The following RCOR3 variants were observed in gnomAD, a reference collection of about 807,000 sequenced individuals.
RCOR3 encodes REST corepressor 3.
In RCOR3, 13 loss-of-function variants were observed where a neutral mutation model predicts 64.1. The observed-to-expected ratio is 0.20, with a 90% CI of 0.13 to 0.32. RCOR3 has a LOEUF of 0.32. Among genes scored for constraint, RCOR3 ranks in the 10% least tolerant of loss-of-function variants. RCOR3 has a pLI of 1.00. For synonymous variants in RCOR3, 215 were observed against 239.0 expected, an observed-to-expected ratio of 0.90 and a Z score of 0.93; for missense variants, 489 against 701.2, an observed-to-expected ratio of 0.70 and a Z score of 3.42.
Position 211,259,496 on chromosome 1 carries a change from G to A in RCOR3, c.-65G>A. On this transcript the variant is annotated 5_prime_UTR_variant, in exon 1 of 12. Transcript: ENST00000419091. ...CCTTTCCCTCCCGCCCGCGCTCTAAGCCATCTCCGCCTTCACCCTGACGCC... is the reference window on the plus strand; with the variant it reads ...CCTTTCCCTCCCGCCCGCGCTCTAAACCATCTCCGCCTTCACCCTGACGCC... The A allele has an allele frequency of 1.3e-6, 2 of 1,494,246 alleles. No individual in the cohort carries two copies. The highest frequency in any genetic ancestry group is 2.5e-5 in the South Asian group (2 of 80,526). The allele number at this position is 1,494,246 out of a possible 1,614,324, so 92.6% of individuals were successfully genotyped here. A position where few individuals can be genotyped will look rare whatever the true frequency, so the allele number is the denominator to read the frequency against.
rs571728059 is a variant in RCOR3, at chr1:211,288,685, T to C, written c.721-493T>C. 2.4e-4 allele frequency among the ~76,000 whole-genome samples: 37 copies of C among 151,682 alleles called. 1 individual carries two copies. The highest frequency in any genetic ancestry group is 8.7e-4 in the African/African-American group (36 of 41,478). On this transcript the variant is annotated intron_variant, in intron 7 of 11. Transcript: ENST00000419091. ...GTGTCCCTTTTAACCTTTAGAGGCGTAGTTTTCTTTCAGCAACTGTAAAGT... is the reference window on the plus strand; with the variant it reads ...GTGTCCCTTTTAACCTTTAGAGGCGCAGTTTTCTTTCAGCAACTGTAAAGT...
At chr1:211,270,552 A>AG (rs1035090054) in intron 2 of RCOR3, among the ~76,000 whole-genome samples, 111 of 151,810 alleles carry the variant, frequency 7.3e-4, no homozygotes, top group African/African-American at 2.6e-3. Flanking sequence ...ATGGGGCAAA[A>AG]AAAAAAAATA....
At chr1:211,269,139 G>A (rs78871138) in intron 2 of RCOR3, among the ~76,000 whole-genome samples, 30,643 of 151,090 alleles carry the variant, frequency 0.2, 3,428 homozygotes, top group Non-Finnish European at 0.25. Context: ...TGGAATTCTG[G>A]CTATTAATGG....
intron 8 of RCOR3, chr1:211,291,557 C>G: frequency 2.2e-6 from 1 of 456,146 alleles, no homozygotes; most frequent in South Asian, 1.5e-5. Flanking sequence ...TGGACTGTAT[C>G]CCCTGCGGAT....
intron 9 of RCOR3, chr1:211,302,399 G>T (rs1700468119): frequency 6.6e-6 from 1 of 152,132 alleles, no homozygotes; most frequent in African/African-American, 2.4e-5. Context: ...TCACTCACAG[G>T]CAAGCACTTC....
chr1:211,301,254 C>T (rs1320214009), intron 9 of RCOR3, among the ~76,000 whole-genome samples: 1 of 152,080 alleles, frequency 6.6e-6, no homozygotes, highest in African/African-American at 2.4e-5. Flanking sequence ...ACCTGAATGT[C>T]GAATACCTCA....
chr1:211,267,835 C>T (rs901974751), intron 2 of RCOR3: 8 of 373,538 alleles, frequency 2.1e-5, no homozygotes, highest in African/African-American at 8.8e-5. Flanking sequence ...TCAAGCCATC[C>T]GCCCTCCTTG....
In RCOR3 at chr1:211,271,258, A is replaced by G; in HGVS notation, c.250A>G (p.Asn84Asp). 2 of 1,613,860 alleles carry G rather than the reference A, an allele frequency of 1.2e-6. No homozygotes were observed. Among genetic ancestry groups the G allele is most frequent in the Non-Finnish European group, 1.7e-6 (2 of 1,179,842 alleles). Residue 84 changes from asparagine to aspartate, a missense_variant, in exon 3 of 12, where the codon AAT (asparagine) becomes GAT (aspartate). This residue lies in a region of RCOR3 where 402 missense variants were observed against 617.0 expected (regional missense o/e 0.65). Coordinates refer to ENST00000419091, the MANE Select transcript of RCOR3 (RefSeq NM_001136223.3). ...TGCTACAAAGTACACAGATAAAGACAATGGAGGGATGCTTGTATGGTCTCC... is the reference window on the plus strand; with the variant it reads ...TGCTACAAAGTACACAGATAAAGACGATGGAGGGATGCTTGTATGGTCTCC... ...PGATKYTDKDNGGMLVWSPYH... is the reference protein window; with the variant it reads ...PGATKYTDKDDGGMLVWSPYH...
At chr1:211,288,693 T>C (rs1012829476) in intron 7 of RCOR3, among the ~76,000 whole-genome samples, 2 of 151,680 alleles carry the variant, frequency 1.3e-5, no homozygotes, top group African/African-American at 4.8e-5. Flanking sequence ...CGTAGTTTTC[T>C]TTCAGCAACT....
chr1:211,313,706 G>A lies in RCOR3; in HGVS notation c.1600G>A (p.Gly534Ser). ...LNPRPVLSTV[G>S]GQQPPSLIGI... is the part of the protein sequence containing the mutation. ...CCCAAGACCGGTGTTGTCCACGGTTGGTGGTCAACAGCCACCATCACTTAT... is the reference window on the plus strand; with the variant it reads ...CCCAAGACCGGTGTTGTCCACGGTTAGTGGTCAACAGCCACCATCACTTAT... Residue 534 changes from glycine to serine, a missense_variant, in exon 12 of 12, where the codon GGT (glycine) becomes AGT (serine). Around this residue, in one of 2 missense-constraint regions of RCOR3, gnomAD observed 402 missense variants for 617.0 expected, o/e 0.65. Coordinates refer to ENST00000419091, the MANE Select transcript of RCOR3 (RefSeq NM_001136223.3). The surrounding 1 kb of genome is among the most constrained non-coding windows in gnomAD (Gnocchi z 4.7). The A allele has an allele frequency of 2.6e-5, 42 of 1,614,180 alleles. No homozygotes were observed. The highest frequency in any genetic ancestry group is 3.6e-5 in the Non-Finnish European group (42 of 1,180,034).
intron 2 of RCOR3, among the ~76,000 whole-genome samples, chr1:211,261,358 GT>G (rs1694244416): frequency 6.6e-6 from 1 of 152,186 alleles, no homozygotes; most frequent in Non-Finnish European, 1.5e-5. Flanking sequence ...AGGATGAAAA[GT>G]AATGAGTCGG....
In RCOR3 at chr1:211,281,005, A is replaced by T. The variant is rs557229116; in HGVS notation, c.720+1689A>T. ...ATCTCAAAAAAAAAAAAAAAAAGGC[A>T]TATGTCTTAACCACTCTAGAAAACA... On this transcript the variant is annotated intron_variant, in intron 7 of 11. Transcript: ENST00000419091. Among the ~76,000 whole-genome samples the T allele has an allele frequency of 1.8e-3, 256 of 141,074 alleles. 1 individual carries two copies. Among genetic ancestry groups the T allele is most frequent in the African/African-American group, 6.1e-3 (244 of 39,862 alleles). 92.6% of individuals were successfully genotyped at this position (141,074 alleles called of 152,430 possible). A position where few individuals can be genotyped will look rare whatever the true frequency, so the allele number is the denominator to read the frequency against.
intron 9 of RCOR3, chr1:211,301,583 C>T (rs528382140): frequency 6.6e-6 from 1 of 152,140 alleles, no homozygotes; most frequent in African/African-American, 2.4e-5. Flanking sequence ...GACACAAATC[C>T]CGTTTTCCCT....
At chr1:211,308,958 TG>T (rs1276111844) in intron 10 of RCOR3, among the ~76,000 whole-genome samples, 4 of 151,808 alleles carry the variant, frequency 2.6e-5, no homozygotes, top group African/African-American at 9.7e-5. Flanking sequence ...GTGGTCTGTC[TG>T]CCTTGGCCTT....
chr1:211,306,809 A>C (rs1342479904), intron 10 of RCOR3, among the ~76,000 whole-genome samples: 1 of 152,184 alleles, frequency 6.6e-6, no homozygotes. Context: ...TGCTCAGATC[A>C]AATAGGAATG....
intron 1 of RCOR3, 45 bp from the exon 2 acceptor site, chr1:211,260,060 TTTC>T (rs199706304): frequency 0.013 from 19,081 of 1,519,518 alleles, 325 homozygotes; most frequent in Admixed American, 0.084. Context: ...TTTTCTTTCT[TTTC>T]TTCTTTTTTA....
chr1:211,268,030 T>A (rs1396300758), intron 2 of RCOR3, among the ~76,000 whole-genome samples: 1 of 152,246 alleles, frequency 6.6e-6, no homozygotes, highest in African/African-American at 2.4e-5. Flanking sequence ...TTTAAATATT[T>A]AGCATGATAT....
intron 2 of RCOR3, among the ~76,000 whole-genome samples, chr1:211,270,109 C>T (rs568568273): frequency 6.7e-6 from 1 of 148,916 alleles, no homozygotes; most frequent in Non-Finnish European, 1.5e-5. Flanking sequence ...GTTACCCAGG[C>T]TGGAGTGCAG....
chr1:211,284,918 A>C (rs1314974258), intron 7 of RCOR3, among the ~76,000 whole-genome samples: 2 of 152,196 alleles, frequency 1.3e-5, no homozygotes, highest in Non-Finnish European at 2.9e-5. Context: ...CTGGCTCTCT[A>C]TTCTGCTTCT....
Sources: gnomAD v4.1 joint callset for allele counts (sites outside exome capture counted in the v4.1 genomes callset) on GRCh38, gnomAD v4.1.1 for gene constraint, gnomAD v4.1.1 regional missense constraint, Gnocchi (gnomAD v3.1) non-coding constraint, MANE v1.5 for transcripts, NCBI Gene and HGNC (gene_info 2026-07-23, HGNC 2026-07-21) for gene names.